PPP4R4: variants seen among roughly 807,000 people sequenced by gnomAD.
PPP4R4 encodes the protein protein phosphatase 4 regulatory subunit 4.
In PPP4R4, 70 loss-of-function variants were observed where a neutral mutation model predicts 121.8. The observed-to-expected ratio is 0.57, with a 90% CI of 0.47 to 0.70. The LOEUF (loss-of-function observed/expected upper bound fraction) is 0.70. Among genes scored for constraint, PPP4R4 ranks in the 30% least tolerant of loss-of-function variants. The pLI is 0.00. For synonymous variants in PPP4R4, 348 were observed against 355.7 expected (o/e 0.98, Z 0.24); for missense variants, 875 against 1,033.6 (o/e 0.85, Z 2.10).
intron 23 of PPP4R4, among the ~76,000 whole-genome samples, chr14:94,273,247 A>G (rs376995022): frequency 6.6e-6 from 1 of 152,330 alleles, no homozygotes; most frequent in African/African-American, 2.4e-5. Context: ...CAGTAGGTAG[A>G]TGAATAAACA....
rs1299887773 is a variant in PPP4R4, at chr14:94,251,797, C to T, written c.1766C>T (p.Thr589Ile). The change falls in exon 16 of 25, where the codon ACC becomes ATC. Residue 589 changes from threonine to isoleucine, a missense_variant. Thr to Ile is a moderately conservative substitution (Grantham distance 89). Transcript: ENST00000304338. Reference protein sequence around the residue: ...SYWNRLRFLDTCEFIIEIFSK... With the variant: ...SYWNRLRFLDICEFIIEIFSK... ...TGGAATAGACTTCGATTTTTGGATA[C>T]CTGTGAATTTATTATAGAGATATTT... 6.3e-7 allele frequency: 1 copy of T among 1,588,204 alleles called. No homozygotes were observed. The highest frequency in any genetic ancestry group is 8.6e-7 in the Non-Finnish European group (1 of 1,167,522).
At chr14:94,222,287 A>G (rs1891450290) in intron 3 of PPP4R4, among the ~76,000 whole-genome samples, 1 of 151,634 alleles carries the variant, frequency 6.6e-6, no homozygotes, top group Non-Finnish European at 1.5e-5. Context: ...TTTCCCCCTC[A>G]TCTATTAGCT....
intron 20 of PPP4R4, 44 bp downstream of exon 20, chr14:94,264,991 AT>A: frequency 7.5e-7 from 1 of 1,341,958 alleles, no homozygotes; most frequent in Non-Finnish European, 1.0e-6. Flanking sequence ...TACATAATTA[AT>A]GTTGCATCCT....
At chr14:94,228,568 A>G (rs10147608) in intron 3 of PPP4R4, among the ~76,000 whole-genome samples, 17,806 of 152,162 alleles carry the variant, frequency 0.12, 1,262 homozygotes, top group African/African-American at 0.19. Flanking sequence ...ATACATTTCT[A>G]TGTGATCCAT....
intron 7 of PPP4R4, 97 bp downstream of exon 7, chr14:94,234,766 C>A: frequency 1.2e-6 from 1 of 836,626 alleles, no homozygotes; most frequent in South Asian, 1.5e-5. Context: ...AGTACCTCCT[C>A]TATGTCTGGA....
chr14:94,253,143 T>A (rs1025733658), intron 16 of PPP4R4, among the ~76,000 whole-genome samples: 3 of 152,214 alleles, frequency 2.0e-5, no homozygotes, highest in Non-Finnish European at 4.4e-5. Flanking sequence ...GGGGTATTGC[T>A]GACATTTAAA....
intron 1 of PPP4R4, chr14:94,175,346 G>C (rs1888620432): frequency 6.6e-6 from 1 of 152,380 alleles, no homozygotes; most frequent in African/African-American, 2.4e-5. Context: ...CAGGACTGTA[G>C]CTGGGACCCA....
Position 94,265,870 on chromosome 14 carries a change from C to T in PPP4R4, c.2361C>T (p.Asn787=). The change falls in exon 22 of 25, where the codon AAC becomes AAT. Residue 787 remains asparagine, a synonymous_variant. Coordinates refer to ENST00000304338, the MANE Select transcript of PPP4R4 (RefSeq NM_058237.2). Reference sequence around the variant, plus strand: ...AAGCTTTTCATGCAAAATATGGCAACTTAGAGAAATGTGCTAGGTACGATC... The same window carrying T: ...AAGCTTTTCATGCAAAATATGGCAATTTAGAGAAATGTGCTAGGTACGATC... ...NNQAFHAKYG[N]LEKCASKSST... 1 of 1,598,882 alleles carries T rather than the reference C, an allele frequency of 6.3e-7. No individual in the cohort carries two copies. The highest frequency in any genetic ancestry group is 8.6e-7 in the Non-Finnish European group (1 of 1,167,516).
At chr14:94,218,409 A>G (rs1891156234) in intron 3 of PPP4R4, among the ~76,000 whole-genome samples, 1 of 120,436 alleles carries the variant, frequency 8.3e-6, no homozygotes, top group African/African-American at 3.3e-5. Flanking sequence ...ACACCTCCTC[A>G]CCCCTAGACA....
chr14:94,251,849 C>A lies in PPP4R4; in HGVS notation c.1818C>A (p.Phe606Leu), dbSNP rs764922362. 106 of 1,596,772 alleles carry A rather than the reference C, an allele frequency of 6.6e-5. No individual in the cohort carries two copies. Among genetic ancestry groups the A allele is most frequent in the Middle Eastern group, 3.3e-4 (2 of 6,032 alleles). The change falls in exon 16 of 25, where the codon TTC (phenylalanine) becomes TTA (leucine). Residue 606 changes from phenylalanine to leucine, a missense_variant. Phe to Leu is a conservative substitution (Grantham distance 22, BLOSUM62 0). Transcript: ENST00000304338. ...IFSKSFFCKYFFLPAIELTHD... is the reference protein window; with the variant it reads ...IFSKSFFCKYLFLPAIELTHD... ...CAAAATCATTTTTCTGTAAATATTT[C>A]TTTCTACCTGCTATTGAACTGACAC...
At chr14:94,196,151 C>T (rs1595460806) in intron 2 of PPP4R4, among the ~76,000 whole-genome samples, 1 of 122,684 alleles carries the variant, frequency 8.2e-6, no homozygotes. Context: ...GTGGTATGTG[C>T]TTTTGAATCT....
At chr14:94,263,317 A>G (rs1346661535) in intron 19 of PPP4R4, among the ~76,000 whole-genome samples, 1 of 151,912 alleles carries the variant, frequency 6.6e-6, no homozygotes, top group African/African-American at 2.4e-5. Flanking sequence ...TTTTAAAAAA[A>G]CTCTGTGCTA....
chr14:94,222,144 A>AT (rs1230641861), intron 3 of PPP4R4, among the ~76,000 whole-genome samples: 2 of 151,836 alleles, frequency 1.3e-5, no homozygotes, highest in African/African-American at 4.8e-5. Context: ...TAATTAGAAT[A>AT]TTTTTCCCAT....
chr14:94,269,398 G>A lies in PPP4R4; in HGVS notation c.2449+2369G>A, dbSNP rs577487511. ...TGTTACATAAAACTGTAAGGAGGCC[G>A]GGCGCTGTGGCTCACGCCTGCAATC... is the stretch of plus-strand genomic sequence containing the variant. On this transcript the variant is annotated intron_variant, in intron 23 of 24. Coordinates refer to ENST00000304338, the MANE Select transcript of PPP4R4 (RefSeq NM_058237.2). Among the ~76,000 whole-genome samples, 7 of 152,180 alleles carry A rather than the reference G, an allele frequency of 4.6e-5. No homozygotes were observed. In the South Asian group the frequency reaches 1.5e-3, roughly 32 times the overall value.
chr14:94,177,648 G>A (rs1355446183), intron 2 of PPP4R4, among the ~76,000 whole-genome samples: 1 of 152,170 alleles, frequency 6.6e-6, no homozygotes. Flanking sequence ...GAAATGGAGA[G>A]TCTTGCTCTA....
intron 16 of PPP4R4, among the ~76,000 whole-genome samples, chr14:94,254,375 C>T (rs1340194180): frequency 6.6e-6 from 1 of 152,154 alleles, no homozygotes; most frequent in Non-Finnish European, 1.5e-5. Context: ...GAAGCCTTTT[C>T]CACAGCTGCC....
chr14:94,180,242 A>T (rs1001016066), intron 2 of PPP4R4, among the ~76,000 whole-genome samples: 1 of 152,226 alleles, frequency 6.6e-6, no homozygotes, highest in Admixed American at 6.5e-5. Flanking sequence ...TTTGCCTTCC[A>T]ATAATTTAAT....
chr14:94,245,964 A>C (rs1225806012), intron 13 of PPP4R4, among the ~76,000 whole-genome samples: 1 of 152,204 alleles, frequency 6.6e-6, no homozygotes, highest in East Asian at 1.9e-4. Context: ...ATAGGACAAA[A>C]GGGTAGAAAT....
chr14:94,242,101 T>G, intron 10 of PPP4R4, 144 bp downstream of exon 10: 1 of 1,160,132 alleles, frequency 8.6e-7, no homozygotes, highest in Non-Finnish European at 1.2e-6. Context: ...AGTAAATATT[T>G]GTGAAATTTA....
Sources: gnomAD v4.1 joint callset for allele counts (sites outside exome capture counted in the v4.1 genomes callset) on GRCh38, gnomAD v4.1.1 for gene constraint, MANE v1.5 for transcripts, NCBI Gene and HGNC (gene_info 2026-07-23, HGNC 2026-07-21) for gene names.